MRPS23: variants seen among roughly 807,000 people sequenced by gnomAD.
MRPS23 encodes the protein small ribosomal subunit protein mS23.
In MRPS23, 14 loss-of-function variants were observed where a neutral mutation model predicts 19.8. That is an observed-to-expected ratio of 0.71 (90% CI 0.47 to 1.11). MRPS23 has a LOEUF of 1.11. Among genes scored for constraint, MRPS23 ranks in the 50% least tolerant of loss-of-function variants. The pLI is 0.00. For synonymous variants in MRPS23, 113 were observed against 89.7 expected (o/e 1.26, Z -1.47); for missense variants, 242 against 236.7 (o/e 1.02, Z -0.15).
chr17:57,846,927 T>TAA (rs146246158), intron 2 of MRPS23, among the ~76,000 whole-genome samples: 16 of 141,704 alleles, frequency 1.1e-4, no homozygotes, highest in Middle Eastern at 3.6e-3. Context: ...CTATAAAAAA[T>TAA]AAAAAATAAT....
In MRPS23 at chr17:57,842,897, C is replaced by CAT. The variant is rs1471955927; in HGVS notation, c.216-1638_216-1637insAT. On this transcript the variant is annotated intron_variant, in intron 2 of 4. Transcript: ENST00000313608. ...AAAAAAAAATATATATATATACACA[C>CAT]ACACACACACACACACACACACACA... Among the ~76,000 whole-genome samples, 61 of 129,364 alleles carry CAT rather than the reference C, an allele frequency of 4.7e-4. 1 individual carries two copies. Among genetic ancestry groups the CAT allele is most frequent in the Non-Finnish European group, 8.8e-4 (54 of 61,422 alleles). The allele number at this position is 129,364 out of a possible 152,430, so 84.9% of individuals were successfully genotyped here. A position where few individuals can be genotyped will look rare whatever the true frequency, so the allele number is the denominator to read the frequency against.
At chr17:57,841,105 G>A (rs112671856) in intron 3 of MRPS23, 53 bp from the exon 4 acceptor site, 74,441 of 1,610,502 alleles carry the variant, frequency 0.046, 2,022 homozygotes, top group Non-Finnish European at 0.052. Flanking sequence ...TTGTTAAGAC[G>A]CTGTTACACA....
chr17:57,849,320 G>T lies in MRPS23; in HGVS notation c.135C>A (p.Val45=), dbSNP rs1357851560. ...CATATCGCACTCGAGGCCTTTGGAAGACGGGCTCCCTCAGCGGGGGAAAGG... is the reference window on the plus strand; with the variant it reads ...CATATCGCACTCGAGGCCTTTGGAATACGGGCTCCCTCAGCGGGGGAAAGG... ...YDAFPPLREP[V]FQRPRVRYGK... The change falls in exon 2 of 5, where the codon GTC becomes GTA. Residue 45 remains valine (V), a synonymous_variant. Coordinates refer to ENST00000313608, the MANE Select transcript of MRPS23 (RefSeq NM_016070.4). 6.2e-7 allele frequency: 1 copy of T among 1,614,226 alleles called. No individual in the cohort carries two copies. Among genetic ancestry groups the T allele is most frequent in the African/African-American group, 1.3e-5 (1 of 75,052 alleles).
Position 57,836,598 on chromosome 17 carries a change from A to T in MRPS23, c.*3185T>A, listed in dbSNP as rs1157784102. ...GCCCCTGAACCTCTACTGTACTTTTATATCAAAGTTTAAAAGGATTCCTGT... is the reference window on the plus strand; with the variant it reads ...GCCCCTGAACCTCTACTGTACTTTTTTATCAAAGTTTAAAAGGATTCCTGT... On this transcript the variant is annotated 3_prime_UTR_variant, in exon 5 of 5. Transcript: ENST00000313608. The T allele has an allele frequency of 6.6e-6, 1 of 152,024 alleles. No homozygotes were observed. The highest frequency in any genetic ancestry group is 6.6e-5 in the Admixed American group (1 of 15,256). The allele number at this position is 152,024 out of a possible 1,614,324, so 9.4% of individuals were successfully genotyped here.
rs138577447 is a variant in MRPS23, at chr17:57,849,279, G to T, written c.176C>A (p.Pro59His). ...PRVRYGKAKA[P>H]IQDIWYHEDR... ...CTCGTGGTACCAGATGTCTTGGATG[G>T]GAGCTTTGGCTTTGCCATATCGCAC... Residue 59 changes from proline (P) to histidine (H), a missense_variant, in exon 2 of 5, where the codon CCC (proline) becomes CAC (histidine). Coordinates refer to ENST00000313608, the MANE Select transcript of MRPS23 (RefSeq NM_016070.4). 4,965 of 1,614,218 alleles carry T rather than the reference G, an allele frequency of 3.1e-3. 123 individuals are homozygous for T. The South Asian group carries it at 0.043, about 14-fold the overall frequency.
In MRPS23 at chr17:57,841,280, T is replaced by G. The variant is rs759947679; in HGVS notation, c.216-20A>C. 5 of 1,605,124 alleles carry G rather than the reference T, an allele frequency of 3.1e-6. No homozygotes were observed. The highest frequency in any genetic ancestry group is 4.3e-6 in the Non-Finnish European group (5 of 1,173,400). On this transcript the variant is annotated intron_variant, in intron 2 of 4. Transcript: ENST00000313608. ...AACTTCCTAGAAAATGCAAACAACA[T>G]AATATAAATCTCCGATTATAGACTG...
chr17:57,848,486 T>C (rs1568017484), intron 2 of MRPS23, among the ~76,000 whole-genome samples: 2 of 151,926 alleles, frequency 1.3e-5, no homozygotes. Context: ...GCAATTCTCC[T>C]GTCTCAGCCT....
At chr17:57,845,406 T>C (rs1353676891) in intron 2 of MRPS23, among the ~76,000 whole-genome samples, 1 of 152,152 alleles carries the variant, frequency 6.6e-6, no homozygotes, top group Admixed American at 6.5e-5. Flanking sequence ...ATAATGACCT[T>C]ATAAATTCCA....
chr17:57,846,451 G>A (rs939451642), intron 2 of MRPS23, among the ~76,000 whole-genome samples: 6 of 152,250 alleles, frequency 3.9e-5, no homozygotes, highest in Admixed American at 6.5e-5. Flanking sequence ...CCATGATGAC[G>A]ATGGGGGTTT....
At chr17:57,842,880 ATAT>A (rs377411609) in intron 2 of MRPS23, among the ~76,000 whole-genome samples, 8,961 of 86,600 alleles carry the variant, frequency 0.1, 774 homozygotes, top group East Asian at 0.16. Context: ...AAAAAAAAAA[ATAT>A]ATATATATAC....
chr17:57,842,880 ATATATAT>A (rs1263014829), intron 2 of MRPS23, among the ~76,000 whole-genome samples: 1 of 87,086 alleles, frequency 1.1e-5, no homozygotes, highest in African/African-American at 5.0e-5. Flanking sequence ...AAAAAAAAAA[ATATATAT>A]ATATACACAC....
rs1170228635 is a variant in MRPS23 at position 57,850,027 on chromosome 17, C to A, written c.-17G>T. 3 of 1,589,034 alleles carry A rather than the reference C, an allele frequency of 1.9e-6. No homozygotes were observed. The highest frequency in any genetic ancestry group is 4.6e-5 in the East Asian group (2 of 43,300). On this transcript the variant is annotated 5_prime_UTR_variant, in exon 1 of 5. Coordinates refer to ENST00000313608, the MANE Select transcript of MRPS23 (RefSeq NM_016070.4). ...GCCTGCCATGATCTGCGCCTGGTAC[C>A]GAGCGTGACTAGCTGCTACCGGAAC...
chr17:57,843,754 T>A (rs1377323341), intron 2 of MRPS23, among the ~76,000 whole-genome samples: 1 of 152,150 alleles, frequency 6.6e-6, no homozygotes, highest in Non-Finnish European at 1.5e-5. Context: ...GAGAAAGAAA[T>A]TTCATTTGTT....
intron 2 of MRPS23, among the ~76,000 whole-genome samples, chr17:57,846,643 G>A (rs1389049926): frequency 6.6e-6 from 1 of 152,094 alleles, no homozygotes; most frequent in South Asian, 2.1e-4. Flanking sequence ...TGAAACATGT[G>A]CTGTGTCCAC....
Position 57,836,426 on chromosome 17 carries a change from T to G in MRPS23, c.*3357A>C, listed in dbSNP as rs2073706280. The G allele has an allele frequency of 6.6e-6, 1 of 152,178 alleles. No individual in the cohort carries two copies. Among genetic ancestry groups the G allele is most frequent in the Non-Finnish European group, 1.5e-5 (1 of 68,040 alleles). The allele number at this position is 152,178 out of a possible 1,614,324, so 9.4% of individuals were successfully genotyped here. Reference sequence around the variant, plus strand: ...TGTATTTTCCGAGCACAGACAGCATTTGAAAACGGCACGGAAGGTTCAATT... The same window carrying G: ...TGTATTTTCCGAGCACAGACAGCATGTGAAAACGGCACGGAAGGTTCAATT... On this transcript the variant is annotated 3_prime_UTR_variant, in exon 5 of 5. Transcript: ENST00000313608.
chr17:57,849,040 T>C (rs1376542652), intron 2 of MRPS23, 200 bp downstream of exon 2: 1 of 629,780 alleles, frequency 1.6e-6, no homozygotes, highest in Non-Finnish European at 2.7e-6. Flanking sequence ...GATCTTTCGG[T>C]TGCTGGGCTC....
intron 2 of MRPS23, among the ~76,000 whole-genome samples, chr17:57,843,562 T>G (rs1436968736): frequency 6.6e-6 from 1 of 152,160 alleles, no homozygotes; most frequent in East Asian, 1.9e-4. Flanking sequence ...GATGGAGGCT[T>G]TGGGAGGTAA....
chr17:57,841,053 C>A lies in MRPS23; in HGVS notation c.294-1G>T. On this transcript the variant is annotated splice_acceptor_variant, in intron 3 of 4. Transcript: ENST00000313608. LOFTEE classifies it high-confidence loss of function. ...TAGCTCAGTGTACTTCTCCACAAAC[C>A]TGTAATTCCAAGCAGTCACATTTTA... 1 of 1,613,742 alleles carries A rather than the reference C, an allele frequency of 6.2e-7. No homozygotes were observed. Among genetic ancestry groups the A allele is most frequent in the Non-Finnish European group, 8.5e-7 (1 of 1,179,818 alleles).
chr17:57,843,965 C>T (rs2073756309), intron 2 of MRPS23, among the ~76,000 whole-genome samples: 1 of 152,082 alleles, frequency 6.6e-6, no homozygotes. Flanking sequence ...CTTTTTATGG[C>T]TTCTGAGTTT....
Sources: allele counts gnomAD v4.1 joint callset (sites outside exome capture counted in the v4.1 genomes callset), GRCh38; gene constraint gnomAD v4.1.1; transcripts MANE v1.5; gene names NCBI Gene and HGNC (gene_info 2026-07-23, HGNC 2026-07-21).